DNA2: variants seen among roughly 807,000 people sequenced by gnomAD.
The protein encoded by DNA2 is DNA replication helicase/nuclease 2.
DNA2 carries 101 observed loss-of-function variants against 119.1 expected under a neutral mutation model. The observed-to-expected ratio is 0.85, with a 90% CI of 0.72 to 1.00. The LOEUF is 1.00. Among genes scored for constraint, DNA2 ranks in the 50% least tolerant of loss-of-function variants. The pLI is 0.00. For missense variants in DNA2, 1,121 were observed against 1,255.5 expected (o/e 0.89, Z 1.62); for synonymous variants, 366 against 424.4 (o/e 0.86, Z 1.69).
Position 68,437,071 on chromosome 10 carries a change from GCAAA to G in DNA2, c.1582_1585del (p.Phe528LeufsTer7). On this transcript the variant is annotated frameshift_variant, in exon 10 of 21. Transcript: ENST00000358410. LOFTEE classifies it high-confidence loss of function. Reference sequence around the variant, plus strand: ...CTCCTTCACATATCCTCTAGACAAAGCAAACAGTGACCTTTCTTCTCCACTTACA... The same window carrying G: ...CTCCTTCACATATCCTCTAGACAAAGCAGTGACCTTTCTTCTCCACTTACA... 6.2e-7 allele frequency: 1 copy of G among 1,613,904 alleles called. No individual in the cohort carries two copies. Among genetic ancestry groups the G allele is most frequent in the South Asian group, 1.1e-5 (1 of 91,078 alleles).
Position 68,422,838 on chromosome 10 carries a change from T to C in DNA2, c.2261A>G (p.Lys754Arg). 6.2e-7 allele frequency: 1 copy of C among 1,608,860 alleles called. No homozygotes were observed. The highest frequency in any genetic ancestry group is 8.5e-7 in the Non-Finnish European group (1 of 1,178,806). ...ATCCACAATACAAAAATCAAAAATT[T>C]TACGGGAAAATATTGGATGGTTTAT... ...MGINHPIFSRKIFDFCIVDEA... is the reference protein window; with the variant it reads ...MGINHPIFSRRIFDFCIVDEA... The change falls in exon 15 of 21, where the codon AAA becomes AGA. Residue 754 changes from lysine to arginine, a missense_variant. Lys to Arg is a conservative substitution (Grantham distance 26). Transcript: ENST00000358410.
chr10:68,448,932 G>GGTGTGT (rs776191186), intron 6 of DNA2, among the ~76,000 whole-genome samples: 4,945 of 142,166 alleles, frequency 0.035, 123 homozygotes, highest in Non-Finnish European at 0.044. Flanking sequence ...CACCACACCA[G>GGTGTGT]GTGTGTGTGT....
Position 68,430,678 on chromosome 10 carries a change from A to G in DNA2, c.1984-18T>C. 6.7e-7 allele frequency: 1 copy of G among 1,482,136 alleles called. No individual in the cohort carries two copies. Among genetic ancestry groups the G allele is most frequent in the South Asian group, 1.3e-5 (1 of 76,568 alleles). 91.8% of individuals were successfully genotyped at this position (1,482,136 alleles called of 1,614,324 possible). A position where few individuals can be genotyped will look rare whatever the true frequency, so the allele number is the denominator to read the frequency against. On this transcript the variant is annotated intron_variant, in intron 13 of 20. Transcript: ENST00000358410. ...ATTCTTACCTAATAATGGGTAAGAG[A>G]AAAAAGAAAAAACAGCCTTACTTTT...
intron 9 of DNA2, among the ~76,000 whole-genome samples, chr10:68,439,120 T>C (rs1266401548): frequency 6.7e-6 from 1 of 150,100 alleles, no homozygotes; most frequent in Non-Finnish European, 1.5e-5. Context: ...TGAGGCCAAG[T>C]GTAGTGGCTC....
At position 68,471,924 on chromosome 10, in the gene DNA2, G is replaced by GT. The variant is rs1350726055; in HGVS notation, c.-61_-60insA. ...AGACAGCGGAACCGGGGGTAACACA[G>GT]AAAGCTTAGAAAAGGGAAAAAGGCG... On this transcript the variant is annotated 5_prime_UTR_variant, in exon 1 of 21. Coordinates refer to ENST00000358410, the MANE Select transcript of DNA2 (RefSeq NM_001080449.3). 5 of 1,613,728 alleles carry GT rather than the reference G, an allele frequency of 3.1e-6. No individual in the cohort carries two copies. The highest frequency in any genetic ancestry group is 4.2e-6 in the Non-Finnish European group (5 of 1,179,666).
intron 17 of DNA2, 49 bp downstream of exon 17, chr10:68,422,175 TA>T (rs1190895376): frequency 7.1e-7 from 1 of 1,404,548 alleles, no homozygotes; most frequent in Non-Finnish European, 9.5e-7. Context: ...CTGAGAAATT[TA>T]AATAATAGGA....
chr10:68,466,671 C>T (rs1044244059), intron 3 of DNA2, among the ~76,000 whole-genome samples: 42 of 151,524 alleles, frequency 2.8e-4, no homozygotes, highest in African/African-American at 7.8e-4. Context: ...CTCCGCCTCC[C>T]AGGTTCACGC....
Position 68,414,138 on chromosome 10 carries a change from A to G in DNA2, c.*901T>C, listed in dbSNP as rs2051559087. ...AAAAAAACACATGAGGTAGAAATAAAAATTTTAACATATTTAACACTCATT... is the reference window on the plus strand; with the variant it reads ...AAAAAAACACATGAGGTAGAAATAAGAATTTTAACATATTTAACACTCATT... On this transcript the variant is annotated 3_prime_UTR_variant, in exon 21 of 21. Coordinates refer to ENST00000358410, the MANE Select transcript of DNA2 (RefSeq NM_001080449.3). 6.6e-6 allele frequency: 1 copy of G among 151,990 alleles called. No individual in the cohort carries two copies. The highest frequency in any genetic ancestry group is 2.1e-4 in the South Asian group (1 of 4,832). 9.4% of individuals were successfully genotyped at this position (151,990 alleles called of 1,614,324 possible).
intron 16 of DNA2, 26 bp downstream of exon 16, chr10:68,422,489 C>T (rs1244588819): frequency 6.2e-7 from 1 of 1,612,952 alleles, no homozygotes; most frequent in Non-Finnish European, 8.5e-7. Context: ...ATGAAAACCA[C>T]TCCTAGCTAA....
At chr10:68,446,212 G>C in intron 7 of DNA2, 84 bp downstream of exon 7, 1 of 711,120 alleles carries the variant, frequency 1.4e-6, no homozygotes, top group Non-Finnish European at 2.4e-6. Context: ...GCTGTGAGTA[G>C]ATTGTCAGGT....
intron 14 of DNA2, among the ~76,000 whole-genome samples, chr10:68,423,367 C>G (rs1271108935): frequency 6.6e-6 from 1 of 152,030 alleles, no homozygotes; most frequent in East Asian, 1.9e-4. Flanking sequence ...AGAAACAACA[C>G]AGTAGTTGAT....
At chr10:68,426,094 C>T (rs141121637) in intron 14 of DNA2, among the ~76,000 whole-genome samples, 2,116 of 152,084 alleles carry the variant, frequency 0.014, 19 homozygotes, top group Non-Finnish European at 0.019. Context: ...CAAGATCGGG[C>T]CATTGCACTC....
At chr10:68,435,379 T>C (rs1475884149) in intron 10 of DNA2, among the ~76,000 whole-genome samples, 1 of 152,030 alleles carries the variant, frequency 6.6e-6, no homozygotes. Context: ...CTACTATTAA[T>C]ATTTTTATTT....
rs1218737914 is a variant in DNA2, at chr10:68,458,751, G to C, written c.719+353C>G. ...TAATCCCACCTACTTGGGAGGCTGA[G>C]ATAGGAGAATCACTTGAACCTGGGA... On this transcript the variant is annotated intron_variant, in intron 5 of 20. Transcript: ENST00000358410. Among the ~76,000 whole-genome samples the C allele has an allele frequency of 2.0e-5, 3 of 152,146 alleles. No individual in the cohort carries two copies. In the East Asian group the frequency reaches 5.8e-4, roughly 29 times the overall value.
rs776194804 is a variant in DNA2 at position 68,419,908 on chromosome 10, T to C, written c.2698-16A>G. On this transcript the variant is annotated splice_polypyrimidine_tract_variant and intron_variant, in intron 17 of 20. Transcript: ENST00000358410. ...GCGCTGGAACCTAAGTGGAAAAATATACAGCCTGCTGATAATACAATCTCT... is the reference window on the plus strand; with the variant it reads ...GCGCTGGAACCTAAGTGGAAAAATACACAGCCTGCTGATAATACAATCTCT... The C allele has an allele frequency of 5.0e-6, 8 of 1,606,006 alleles. No individual in the cohort carries two copies. The Middle Eastern group carries it at 6.6e-4, about 133-fold the overall frequency.
At chr10:68,467,140 G>A (rs912207998) in intron 3 of DNA2, among the ~76,000 whole-genome samples, 1 of 152,054 alleles carries the variant, frequency 6.6e-6, no homozygotes, top group African/African-American at 2.4e-5. Flanking sequence ...TTGAGACGGA[G>A]TCTCCCTCTA....
intron 5 of DNA2, among the ~76,000 whole-genome samples, chr10:68,456,451 G>A (rs2052183211): frequency 6.6e-6 from 1 of 152,124 alleles, no homozygotes; most frequent in African/African-American, 2.4e-5. Context: ...GTCTCGTTTT[G>A]TTGCCCAGGC....
chr10:68,471,967 C>A lies in DNA2; in HGVS notation c.-103G>T. 3.7e-6 allele frequency: 6 copies of A among 1,612,190 alleles called. No individual in the cohort carries two copies. The highest frequency in any genetic ancestry group is 5.1e-6 in the Non-Finnish European group (6 of 1,178,720). On this transcript the variant is annotated 5_prime_UTR_variant, in exon 1 of 21. Transcript: ENST00000358410. The stretch of plus-strand genomic sequence containing the variant: ...AAAAGGCGCGAGCCTGCGCACCTCG[C>A]GCGCATGCGCCAACCCGCAGATGTC...
chr10:68,457,476 C>T (rs562429279), intron 5 of DNA2, among the ~76,000 whole-genome samples: 1 of 152,262 alleles, frequency 6.6e-6, no homozygotes, highest in South Asian at 2.1e-4. Flanking sequence ...GCCACCACTA[C>T]CTACCTATTC....
Sources: gnomAD v4.1 joint callset for allele counts (sites outside exome capture counted in the v4.1 genomes callset) on GRCh38, gnomAD v4.1.1 for gene constraint, MANE v1.5 for transcripts, NCBI Gene and HGNC (gene_info 2026-07-23, HGNC 2026-07-21) for gene names.